FAM135A: variants seen among roughly 807,000 people sequenced by gnomAD.
The protein encoded by FAM135A is family with sequence similarity 135 member A, also known as protein FAM135A.
FAM135A carries 79 observed loss-of-function variants against 146.8 expected under a neutral mutation model. That is an observed-to-expected ratio of 0.54 (90% CI 0.45 to 0.65). The LOEUF (loss-of-function observed/expected upper bound fraction) is 0.65, where lower values mean the gene tolerates loss of function less well. Among genes scored for constraint, FAM135A ranks in the 30% least tolerant of loss-of-function variants. The pLI, the probability that FAM135A is intolerant of heterozygous loss-of-function variation, is 0.00. For synonymous variants in FAM135A, 562 were observed against 603.6 expected, an observed-to-expected ratio of 0.93 and a Z score of 1.01; for missense variants, 1,623 against 1,758.2, an observed-to-expected ratio of 0.92 and a Z score of 1.38.
chr6:70,509,875 T>C (rs2128288164), intron 12 of FAM135A, among the ~76,000 whole-genome samples: 1 of 152,258 alleles, frequency 6.6e-6, no homozygotes, highest in Admixed American at 6.5e-5. Context: ...ACGAAGTAAA[T>C]TAAGACTTCA....
Position 70,475,708 on chromosome 6 carries a change from C to A in FAM135A, c.343C>A (p.Leu115Ile). 6.2e-7 allele frequency: 1 copy of A among 1,610,438 alleles called. No individual in the cohort carries two copies. The highest frequency in any genetic ancestry group is 1.1e-5 in the South Asian group (1 of 90,488). Residue 115 changes from leucine (L) to isoleucine (I), a missense_variant, in exon 7 of 22, where the codon CTA (leucine) becomes ATA (isoleucine). Leu to Ile is a conservative substitution (Grantham distance 5). Coordinates refer to ENST00000418814, the MANE Select transcript of FAM135A (RefSeq NM_001162529.3). Reference protein sequence around the residue: ...EEMNFLLSLDLHFTDGDYSAD... With the variant: ...EEMNFLLSLDIHFTDGDYSAD... The stretch of plus-strand genomic sequence containing the variant: ...AATGAATTTTCTATTATCCTTGGAT[C>A]TACACTTCACAGATGGAGATTATTC...
chr6:70,463,250 G>C (rs6914298), intron 5 of FAM135A, among the ~76,000 whole-genome samples: 20,962 of 151,778 alleles, frequency 0.14, 3,531 homozygotes, highest in African/African-American at 0.4. Context: ...TGCTGTCATA[G>C]TCCTTTTTCT....
At chr6:70,492,657 A>T (rs1186308956) in intron 11 of FAM135A, among the ~76,000 whole-genome samples, 2 of 73,848 alleles carry the variant, frequency 2.7e-5, no homozygotes, top group African/African-American at 8.8e-5. Context: ...ACACCCTTGT[A>T]AAAAAAAAAA....
chr6:70,534,312 CTTTTTTTT>C (rs1179072858), intron 18 of FAM135A, among the ~76,000 whole-genome samples: 3 of 89,804 alleles, frequency 3.3e-5, no homozygotes, highest in Admixed American at 1.4e-4. Flanking sequence ...AGTTTGTATA[CTTTTTTTT>C]TTTTTTTTTT....
rs200268025 is a variant in FAM135A at position 70,501,690 on chromosome 6, C to T, written c.874-946C>T. On this transcript the variant is annotated intron_variant, in intron 11 of 21. Transcript: ENST00000418814. The stretch of plus-strand genomic sequence containing the variant: ...TGTGGGGAAAGCATAGTGATCTGAC[C>T]GGGTAGCACAGCCCTCATGGCTTTG... Among the ~76,000 whole-genome samples, 6 of 152,280 alleles carry T rather than the reference C, an allele frequency of 3.9e-5. No individual in the cohort carries two copies. In the East Asian group the frequency reaches 7.7e-4, roughly 20 times the overall value.
At chr6:70,495,560 A>G (rs2128229876) in intron 11 of FAM135A, among the ~76,000 whole-genome samples, 1 of 152,334 alleles carries the variant, frequency 6.6e-6, no homozygotes, top group African/African-American at 2.4e-5. Flanking sequence ...ATAAACTGAG[A>G]GTAACAGTAT....
intron 5 of FAM135A, among the ~76,000 whole-genome samples, chr6:70,468,371 A>G (rs1435660732): frequency 6.6e-6 from 1 of 152,316 alleles, no homozygotes; most frequent in Non-Finnish European, 1.5e-5. Context: ...CAAAAGTTAC[A>G]TAGGTTTTCT....
rs1794402706 is a variant in FAM135A, at chr6:70,525,078, A to G, written c.1994A>G (p.Asp665Gly). 1.3e-6 allele frequency: 2 copies of G among 1,578,322 alleles called. No homozygotes were observed. Among genetic ancestry groups the G allele is most frequent in the Non-Finnish European group, 8.6e-7 (1 of 1,167,770 alleles). Reference sequence around the variant, plus strand: ...ATTGAAATAAAGCCCAGTAATAAAGATCCTTTCAGTGGAGAGAATATAACT... The same window carrying G: ...ATTGAAATAAAGCCCAGTAATAAAGGTCCTTTCAGTGGAGAGAATATAACT... ...RTIEIKPSNK[D>G]PFSGENITVK... The change falls in exon 15 of 22, where the codon GAT becomes GGT. Residue 665 changes from aspartate (D) to glycine (G), a missense_variant. Physicochemically the swap from Asp to Gly is moderately conservative, Grantham distance 94. This residue lies in a region of FAM135A where 1,061 missense variants were observed against 1,113.8 expected (regional missense o/e 0.95). Coordinates refer to ENST00000418814, the MANE Select transcript of FAM135A (RefSeq NM_001162529.3).
chr6:70,462,604 C>A (rs57219733), intron 5 of FAM135A, among the ~76,000 whole-genome samples: 1 of 151,012 alleles, frequency 6.6e-6, no homozygotes, highest in Admixed American at 6.6e-5. Flanking sequence ...TTTAGACTTA[C>A]AAGAAATCAG....
intron 10 of FAM135A, among the ~76,000 whole-genome samples, chr6:70,486,913 G>A (rs1321767671): frequency 1.3e-5 from 2 of 151,080 alleles, no homozygotes; most frequent in African/African-American, 4.9e-5. Context: ...GGCAACAAAA[G>A]TGAAACTCTG....
intron 5 of FAM135A, among the ~76,000 whole-genome samples, chr6:70,463,184 C>T (rs1779742072): frequency 6.6e-6 from 1 of 152,126 alleles, no homozygotes; most frequent in African/African-American, 2.4e-5. Context: ...CTCCTTATTA[C>T]CTCCTTTTTA....
At chr6:70,515,662 C>T (rs1561950786) in intron 12 of FAM135A, among the ~76,000 whole-genome samples, 1 of 152,006 alleles carries the variant, frequency 6.6e-6, no homozygotes, top group African/African-American at 2.4e-5. Flanking sequence ...TAGAAGTATT[C>T]TGTATGATAC....
chr6:70,531,217 A>G (rs1014254799), intron 16 of FAM135A, among the ~76,000 whole-genome samples: 3 of 152,190 alleles, frequency 2.0e-5, no homozygotes, highest in Non-Finnish European at 4.4e-5. Flanking sequence ...GTCCTCCAGA[A>G]AGTCAAGAAG....
chr6:70,497,451 G>T (rs1053744897), intron 11 of FAM135A, among the ~76,000 whole-genome samples: 1 of 152,138 alleles, frequency 6.6e-6, no homozygotes, highest in Non-Finnish European at 1.5e-5. Context: ...AACAGGGACA[G>T]TTTGACTTCC....
At chr6:70,432,760 CTT>C (rs529418689) in intron 4 of FAM135A, among the ~76,000 whole-genome samples, 61 of 147,824 alleles carry the variant, frequency 4.1e-4, no homozygotes, top group African/African-American at 1.5e-3. Context: ...TATTTTCTAA[CTT>C]TTTTTTTTAA....
chr6:70,446,091 A>G (rs1183828523), intron 4 of FAM135A, among the ~76,000 whole-genome samples: 1 of 152,222 alleles, frequency 6.6e-6, no homozygotes, highest in African/African-American at 2.4e-5. Context: ...CAAGCACTCC[A>G]GTTCCTGGCA....
chr6:70,471,566 TA>T (rs1252101278), intron 5 of FAM135A, among the ~76,000 whole-genome samples: 3 of 148,040 alleles, frequency 2.0e-5, no homozygotes, highest in African/African-American at 7.9e-5. Flanking sequence ...TGTTGGAGGA[TA>T]GGGGGTGGGA....
chr6:70,538,690 A>T (rs551840249), intron 20 of FAM135A, among the ~76,000 whole-genome samples: 1 of 151,636 alleles, frequency 6.6e-6, no homozygotes, highest in African/African-American at 2.4e-5. Flanking sequence ...TTGTTAGTCT[A>T]TGTTTTTAGA....
intron 19 of FAM135A, 25 bp downstream of exon 19, chr6:70,536,436 T>C: frequency 6.5e-7 from 1 of 1,541,954 alleles, no homozygotes; most frequent in Non-Finnish European, 8.7e-7. Flanking sequence ...TGTTCTGTAT[T>C]AAAAATATGG....
Sources: gnomAD v4.1 joint callset for allele counts (sites outside exome capture counted in the v4.1 genomes callset) on GRCh38, gnomAD v4.1.1 for gene constraint, gnomAD v4.1.1 regional missense constraint, MANE v1.5 for transcripts, NCBI Gene and HGNC (gene_info 2026-07-23, HGNC 2026-07-21) for gene names.